UNC5C: variants seen among roughly 807,000 people sequenced by gnomAD.
The protein encoded by UNC5C is netrin receptor UNC5C.
UNC5C carries 47 observed loss-of-function variants against 99.8 expected under a neutral mutation model. The observed-to-expected ratio is 0.47, with a 90% CI of 0.37 to 0.60. The LOEUF (loss-of-function observed/expected upper bound fraction) is 0.60. Among genes scored for constraint, UNC5C ranks in the 20% least tolerant of loss-of-function variants. The pLI is 0.00. For synonymous variants in UNC5C, 487 were observed against 452.2 expected (o/e 1.08, Z -0.98); for missense variants, 1,062 against 1,165.9 (o/e 0.91, Z 1.30).
intron 12 of UNC5C, among the ~76,000 whole-genome samples, chr4:95,187,693 G>A (rs1168767424): frequency 2.0e-5 from 3 of 152,220 alleles, no homozygotes; most frequent in Non-Finnish European, 4.4e-5. Flanking sequence ...TGGGGAAAAA[G>A]CCTAGACTGG....
chr4:95,173,115 G>T (rs1234334891), intron 14 of UNC5C, among the ~76,000 whole-genome samples: 22 of 151,718 alleles, frequency 1.5e-4, no homozygotes, highest in African/African-American at 4.4e-4. Flanking sequence ...TGCTGAAGTT[G>T]CTTATCAGCT....
chr4:95,376,134 A>T (rs1003264483), intron 1 of UNC5C, among the ~76,000 whole-genome samples: 2 of 152,130 alleles, frequency 1.3e-5, no homozygotes, highest in African/African-American at 4.8e-5. Flanking sequence ...AACTCATTTT[A>T]AAATTTTCCC....
intron 4 of UNC5C, among the ~76,000 whole-genome samples, chr4:95,273,388 G>A (rs1740733466): frequency 6.6e-6 from 1 of 152,180 alleles, no homozygotes; most frequent in Admixed American, 6.5e-5. Flanking sequence ...CTCTCCAAAA[G>A]AGATAATCTG....
chr4:95,478,013 A>G (rs1017852724), intron 1 of UNC5C, among the ~76,000 whole-genome samples: 2 of 139,236 alleles, frequency 1.4e-5, no homozygotes, highest in Admixed American at 1.4e-4. Context: ...ATGGTGCATA[A>G]TAAGTACTCA....
chr4:95,182,476 G>T (rs1047844003), intron 14 of UNC5C, among the ~76,000 whole-genome samples: 15 of 152,126 alleles, frequency 9.9e-5, no homozygotes, highest in African/African-American at 3.4e-4. Context: ...CAGGTGATTA[G>T]GGGAAAGGGA....
rs573243457 is a variant in UNC5C at position 95,226,742 on chromosome 4, G to A, written c.1109-6566C>T. ...CAAAGCACATTTTCAAGGCCAGAGT[G>A]CAAATTGATGGTAAAAAGGTATCTC... On this transcript the variant is annotated intron_variant, in intron 7 of 15. Coordinates refer to ENST00000453304, the MANE Select transcript of UNC5C (RefSeq NM_003728.4). 3.3e-4 allele frequency among the ~76,000 whole-genome samples: 50 copies of A among 152,332 alleles called. 1 individual carries two copies. The highest frequency in any genetic ancestry group is 1.1e-3 in the African/African-American group (45 of 41,582).
rs375738520 is a variant in UNC5C, at chr4:95,372,839, T to C, written c.125-37208A>G. 2.6e-5 allele frequency among the ~76,000 whole-genome samples: 4 copies of C among 152,232 alleles called. No individual in the cohort carries two copies. In the East Asian group the frequency reaches 5.8e-4, roughly 22 times the overall value. On this transcript the variant is annotated intron_variant, in intron 1 of 15. Coordinates refer to ENST00000453304, the MANE Select transcript of UNC5C (RefSeq NM_003728.4). ...ATAGTGCTCAGAGGATGCACAAATA[T>C]AACAAAAGAGTTCAGTTTAGATTTC...
intron 1 of UNC5C, among the ~76,000 whole-genome samples, chr4:95,457,680 G>C (rs1316822281): frequency 2.0e-5 from 3 of 152,214 alleles, no homozygotes; most frequent in East Asian, 1.9e-4. Context: ...CTTGGAGAGA[G>C]AGAAAGAGAG....
At chr4:95,301,986 G>A (rs1441808391) in intron 2 of UNC5C, among the ~76,000 whole-genome samples, 4 of 152,166 alleles carry the variant, frequency 2.6e-5, no homozygotes, top group African/African-American at 9.7e-5. Context: ...GAAAGTAGAA[G>A]GGCTCTATCA....
At chr4:95,265,185 G>T (rs1249841641) in intron 4 of UNC5C, among the ~76,000 whole-genome samples, 3 of 152,188 alleles carry the variant, frequency 2.0e-5, no homozygotes, top group Non-Finnish European at 4.4e-5. Flanking sequence ...TCACTCTCAA[G>T]GCTGACAACT....
At chr4:95,401,508 TG>T (rs1745697124) in intron 1 of UNC5C, among the ~76,000 whole-genome samples, 1 of 152,092 alleles carries the variant, frequency 6.6e-6, no homozygotes, top group Non-Finnish European at 1.5e-5. Context: ...GGGCTTAATA[TG>T]TTGCCCAGGT....
chr4:95,503,022 C>T (rs1463124020), intron 1 of UNC5C, among the ~76,000 whole-genome samples: 1 of 152,034 alleles, frequency 6.6e-6, no homozygotes, highest in Non-Finnish European at 1.5e-5. Context: ...ACTTCCTATT[C>T]AGTGAAAAAG....
intron 4 of UNC5C, among the ~76,000 whole-genome samples, chr4:95,260,200 T>C (rs111920489): frequency 2.0e-5 from 3 of 152,186 alleles, no homozygotes; most frequent in African/African-American, 7.2e-5. Context: ...TTAAAAACTA[T>C]AGATTTTAAA....
rs1223235057 is a variant in UNC5C at position 95,163,924 on chromosome 4, C to T, written c.*5310G>A. The T allele has an allele frequency of 2.6e-5, 4 of 152,240 alleles. No homozygotes were observed. The highest frequency in any genetic ancestry group is 4.4e-5 in the Non-Finnish European group (3 of 68,078). 9.4% of individuals were successfully genotyped at this position (152,240 alleles called of 1,614,324 possible). A position where few individuals can be genotyped will look rare whatever the true frequency, so the allele number is the denominator to read the frequency against. Reference sequence around the variant, plus strand: ...TGGGCTTGCTGTGCCAGTACACTTGCGGAGTACCTGTTGGTTTGTCCTGCT... The same window carrying T: ...TGGGCTTGCTGTGCCAGTACACTTGTGGAGTACCTGTTGGTTTGTCCTGCT... On this transcript the variant is annotated 3_prime_UTR_variant, in exon 16 of 16. Coordinates refer to ENST00000453304, the MANE Select transcript of UNC5C (RefSeq NM_003728.4).
intron 1 of UNC5C, among the ~76,000 whole-genome samples, chr4:95,505,475 A>G (rs1196625624): frequency 2.6e-5 from 4 of 152,124 alleles, no homozygotes; most frequent in African/African-American, 9.6e-5. Flanking sequence ...ACCCTGCTGT[A>G]TTAGCCATAT....
chr4:95,527,657 A>AT (rs1246376789), intron 1 of UNC5C, among the ~76,000 whole-genome samples: 1 of 152,056 alleles, frequency 6.6e-6, no homozygotes, highest in Non-Finnish European at 1.5e-5. Context: ...AATGAAATTT[A>AT]TTTTTATGGA....
chr4:95,318,448 G>T (rs1285729479), intron 2 of UNC5C, among the ~76,000 whole-genome samples: 1 of 152,192 alleles, frequency 6.6e-6, no homozygotes, highest in East Asian at 1.9e-4. Context: ...AAGCCTAGGA[G>T]ACAAATGCAG....
At chr4:95,379,104 G>A (rs1397990428) in intron 1 of UNC5C, among the ~76,000 whole-genome samples, 9 of 152,132 alleles carry the variant, frequency 5.9e-5, no homozygotes, top group African/African-American at 4.8e-5. Context: ...AAGGATAACT[G>A]GGGCGAGGAG....
chr4:95,303,819 ATC>A (rs1741963517), intron 2 of UNC5C, among the ~76,000 whole-genome samples: 3 of 152,292 alleles, frequency 2.0e-5, no homozygotes, highest in South Asian at 4.1e-4. Context: ...ACATGTGTAT[ATC>A]TGTGTGTATG....
Sources: gnomAD v4.1 joint callset for allele counts (sites outside exome capture counted in the v4.1 genomes callset) on GRCh38, gnomAD v4.1.1 for gene constraint, MANE v1.5 for transcripts, NCBI Gene and HGNC (gene_info 2026-07-23, HGNC 2026-07-21) for gene names.